Variants in ASTN2 observed in about 807,000 individuals in gnomAD.
ASTN2 encodes astrotactin 2.
ASTN2 carries 54 observed loss-of-function variants against 139.8 expected under a neutral mutation model. That is an observed-to-expected ratio of 0.39 (90% CI 0.31 to 0.48). ASTN2 has a LOEUF of 0.48. Among genes scored for constraint, ASTN2 ranks in the 20% least tolerant of loss-of-function variants. The probability of loss-of-function intolerance (pLI) is 0.95; values close to 1 mark genes in which losing one functional copy is unlikely to be tolerated. For synonymous variants in ASTN2, 756 were observed against 719.5 expected (o/e 1.05, Z -0.81); for missense variants, 1,565 against 1,725.1 (o/e 0.91, Z 1.64).
At chr9:117,096,959 C>G (rs1828856027) in intron 4 of ASTN2, among the ~76,000 whole-genome samples, 1 of 152,172 alleles carries the variant, frequency 6.6e-6, no homozygotes, top group African/African-American at 2.4e-5. Flanking sequence ...AGCGGGAGGC[C>G]TTGGGTGCCA....
intron 19 of ASTN2, among the ~76,000 whole-genome samples, chr9:116,511,889 T>C (rs558866246): frequency 1.9e-3 from 292 of 152,328 alleles, no homozygotes; most frequent in Non-Finnish European, 3.4e-3. Context: ...TTGATTCTTC[T>C]CTCTTTTGTT....
In ASTN2 at chr9:117,100,795, C is replaced by A. The variant is rs1224696437; in HGVS notation, c.1169-4644G>T. Among the ~76,000 whole-genome samples, 4 of 152,212 alleles carry A rather than the reference C, an allele frequency of 2.6e-5. No individual in the cohort carries two copies. In the East Asian group the frequency reaches 5.8e-4, roughly 22 times the overall value. On this transcript the variant is annotated intron_variant, in intron 4 of 22. Transcript: ENST00000313400. ...ATGGCACAGCTGGGATTCTGTTAAA[C>A]AACAGTATCTATGGTCCCTACTCTC...
At chr9:116,939,888 A>C (rs1390167143) in intron 10 of ASTN2, among the ~76,000 whole-genome samples, 1 of 152,206 alleles carries the variant, frequency 6.6e-6, no homozygotes, top group Non-Finnish European at 1.5e-5. Context: ...ATGACAACAG[A>C]GCTGAAAAAT....
chr9:116,487,277 C>T (rs1358929300), intron 20 of ASTN2, 82 bp downstream of exon 20: 1 of 1,543,244 alleles, frequency 6.5e-7, no homozygotes, highest in Non-Finnish European at 8.8e-7. Flanking sequence ...GGCTGGCCTG[C>T]ACAGAATAAC....
At chr9:116,707,327 G>A (rs1828019161) in intron 16 of ASTN2, among the ~76,000 whole-genome samples, 1 of 145,286 alleles carries the variant, frequency 6.9e-6, no homozygotes, top group Admixed American at 7.0e-5. Flanking sequence ...TGATCCTAAG[G>A]GTTATAGGGA....
At chr9:117,402,976 C>T (rs1487446828) in intron 1 of ASTN2, among the ~76,000 whole-genome samples, 3 of 152,094 alleles carry the variant, frequency 2.0e-5, no homozygotes, top group African/African-American at 7.2e-5. Context: ...AGCATGTTAC[C>T]CTCAGACATT....
chr9:116,838,500 T>A (rs2132297291), intron 11 of ASTN2, among the ~76,000 whole-genome samples: 1 of 152,204 alleles, frequency 6.6e-6, no homozygotes, highest in African/African-American at 2.4e-5. Flanking sequence ...CTCGACTCAC[T>A]GCAACCTCTG....
At chr9:116,947,424 G>A (rs1835428630) in intron 10 of ASTN2, among the ~76,000 whole-genome samples, 1 of 152,092 alleles carries the variant, frequency 6.6e-6, no homozygotes. Context: ...TAATTTATGT[G>A]TAAACAACTT....
At chr9:116,815,828 A>AAAAAAAAAAAAAAAAT (rs1554750237) in intron 12 of ASTN2, among the ~76,000 whole-genome samples, 1 of 145,878 alleles carries the variant, frequency 6.9e-6, no homozygotes, top group Non-Finnish European at 1.5e-5. Context: ...AAAAAAAAAA[A>AAAAAAAAAAAAAAAAT]GTTGATGAAA....
At chr9:117,156,425 T>A (rs1182562460) in intron 3 of ASTN2, among the ~76,000 whole-genome samples, 1 of 152,046 alleles carries the variant, frequency 6.6e-6, no homozygotes, top group East Asian at 1.9e-4. Context: ...AGCTGGCTAA[T>A]TCTTTGCTGT....
intron 1 of ASTN2, among the ~76,000 whole-genome samples, chr9:117,318,423 A>G (rs1824230577): frequency 1.3e-5 from 2 of 152,078 alleles, no homozygotes; most frequent in South Asian, 4.2e-4. Flanking sequence ...GGCTACTACA[A>G]ATTCTGTGGG....
intron 10 of ASTN2, among the ~76,000 whole-genome samples, chr9:116,886,077 G>A (rs1293974610): frequency 6.6e-6 from 1 of 152,228 alleles, no homozygotes; most frequent in Admixed American, 6.5e-5. Context: ...CTTCTTAAGA[G>A]TCTGTGAGGA....
intron 2 of ASTN2, among the ~76,000 whole-genome samples, chr9:117,219,681 C>T (rs181469593): frequency 3.9e-5 from 6 of 152,276 alleles, no homozygotes; most frequent in East Asian, 3.9e-4. Flanking sequence ...TTTGTTTTTA[C>T]CATCACCTTA....
chr9:116,569,129 T>C (rs1338446569), intron 19 of ASTN2, among the ~76,000 whole-genome samples: 1 of 152,188 alleles, frequency 6.6e-6, no homozygotes, highest in African/African-American at 2.4e-5. Flanking sequence ...CCTTTTCATG[T>C]TTCCTGAGTA....
intron 19 of ASTN2, among the ~76,000 whole-genome samples, chr9:116,573,024 CACACACACACATATAT>C (rs1311143931): frequency 6.6e-6 from 1 of 151,750 alleles, no homozygotes; most frequent in East Asian, 1.9e-4. Flanking sequence ...CACACACACA[CACACACACACATATAT>C]ACACACACAC....
At chr9:116,523,182 C>G (rs1190337219) in intron 19 of ASTN2, among the ~76,000 whole-genome samples, 1 of 151,900 alleles carries the variant, frequency 6.6e-6, no homozygotes, top group African/African-American at 2.4e-5. Flanking sequence ...CATTACCAAG[C>G]CCATTATATA....
chr9:117,350,693 G>C (rs748698185), intron 1 of ASTN2, among the ~76,000 whole-genome samples: 2 of 152,162 alleles, frequency 1.3e-5, no homozygotes, highest in Non-Finnish European at 2.9e-5. Context: ...TATGATGGCA[G>C]AGCACGCTGG....
chr9:116,976,045 T>A (rs915373054), intron 9 of ASTN2, 69 bp downstream of exon 9: 1 of 1,470,952 alleles, frequency 6.8e-7, no homozygotes, highest in Non-Finnish European at 9.5e-7. Context: ...TAAGGATCCA[T>A]GACCACATCT....
At chr9:116,947,202 A>C (rs1403133397) in intron 10 of ASTN2, among the ~76,000 whole-genome samples, 3 of 152,158 alleles carry the variant, frequency 2.0e-5, no homozygotes, top group Non-Finnish European at 4.4e-5. Flanking sequence ...GACGTGGGGC[A>C]TTTGGAAGTC....
Sources: gnomAD v4.1 joint callset for allele counts (sites outside exome capture counted in the v4.1 genomes callset) on GRCh38, gnomAD v4.1.1 for gene constraint, MANE v1.5 for transcripts, NCBI Gene and HGNC (gene_info 2026-07-23, HGNC 2026-07-21) for gene names.